The following CERS5 variants were observed in gnomAD, a reference collection of about 807,000 sequenced individuals.
CERS5 encodes ceramide synthase 5, also known as LAG1 homolog, ceramide synthase 5.
CERS5 carries 37 observed loss-of-function variants against 58.9 expected under a neutral mutation model. That is an observed-to-expected ratio of 0.63 (90% CI 0.48 to 0.83). The LOEUF is 0.83. CERS5 is among the 40% of genes least tolerant of loss of function. CERS5 has a pLI of 0.00. For missense variants in CERS5, 398 were observed against 489.3 expected (o/e 0.81, Z 1.76); for synonymous variants, 147 against 177.8 (o/e 0.83, Z 1.38).
intron 4 of CERS5, among the ~76,000 whole-genome samples, chr12:50,140,744 T>TGCACTTGAAA (rs1171632833): frequency 6.6e-6 from 1 of 152,182 alleles, no homozygotes; most frequent in African/African-American, 2.4e-5. Flanking sequence ...ACTTGAAAAT[T>TGCACTTGAAA]ATATGTATTC....
At position 50,135,833 on chromosome 12, in the gene CERS5, G is replaced by A. The variant is rs1951665748; in HGVS notation, c.771C>T (p.Ala257=). 2 of 1,613,222 alleles carry A rather than the reference G, an allele frequency of 1.2e-6. No individual in the cohort carries two copies. The highest frequency in any genetic ancestry group is 1.7e-5 in the Admixed American group (1 of 59,832). ...GATACTTGGCATAATTGGCCAGTTT[G>A]GCTGCCTGGAGAAAGGAAGAAAGAA... ...HDVSDFLLEA[A]KLANYAKYQR... Residue 257 remains alanine (A), a synonymous_variant, in exon 8 of 10, where the codon GCC becomes GCT. Coordinates refer to ENST00000317551, the MANE Select transcript of CERS5 (RefSeq NM_147190.5).
At chr12:50,165,070 G>C (rs901948781) in intron 1 of CERS5, 1 of 151,386 alleles carries the variant, frequency 6.6e-6, no homozygotes, top group Non-Finnish European at 1.5e-5. Flanking sequence ...TCCAAAGACA[G>C]ACAAGCAGTT....
Position 50,157,994 on chromosome 12 carries a change from G to A in CERS5, c.197+9107C>T, listed in dbSNP as rs181299055. Among the ~76,000 whole-genome samples the A allele has an allele frequency of 1.8e-3, 276 of 149,240 alleles. 1 individual carries two copies. The highest frequency in any genetic ancestry group is 6.7e-3 in the African/African-American group (270 of 40,394). ...GCAAGATGGCTTGAGCCAGGGAGGT[G>A]GAAGTTGCAGTGATACCAGATTGTG... On this transcript the variant is annotated intron_variant, in intron 1 of 9. Transcript: ENST00000317551.
Position 50,130,678 on chromosome 12 carries a change from C to T in CERS5, c.1046G>A (p.Arg349His), listed in dbSNP as rs1951269227. The T allele has an allele frequency of 1.6e-5, 25 of 1,594,852 alleles. No individual in the cohort carries two copies. The highest frequency in any genetic ancestry group is 2.1e-5 in the Non-Finnish European group (25 of 1,165,168). ...CTCTGAGCTGCTCTCCACATCACTG[C>T]GATCATCCTTCGATACCTGGGTGGG... Reference protein sequence around the residue: ...LIRGKVSKDDRSDVESSSEEE... With the variant: ...LIRGKVSKDDHSDVESSSEEE... Residue 349 changes from arginine to histidine, a missense_variant, in exon 10 of 10, where the codon CGC (arginine) becomes CAC (histidine). Physicochemically the swap from Arg to His is conservative, Grantham distance 29. Around this residue, in one of 3 missense-constraint regions of CERS5, gnomAD observed 23 missense variants for 54.6 expected, o/e 0.42. Transcript: ENST00000317551.
chr12:50,161,784 G>GGAAAAAAAAACAAAAAAAAAAAAAAAA (rs1939293345), intron 1 of CERS5, among the ~76,000 whole-genome samples: 1 of 90,862 alleles, frequency 1.1e-5, no homozygotes. Context: ...CTCAAAAAAA[G>GGAAAAAAAAACAAAAAAAAAAAAAAAA]AAAAAAAAAA....
intron 1 of CERS5, chr12:50,148,611 A>C (rs762663317): frequency 6.7e-5 from 21 of 312,750 alleles, no homozygotes; most frequent in African/African-American, 2.2e-5. Flanking sequence ...TAAATAAATA[A>C]ATAGGCCGGG....
At chr12:50,143,243 C>T (rs1952075746) in intron 2 of CERS5, 39 bp from the exon 3 acceptor site, 2 of 1,611,136 alleles carry the variant, frequency 1.2e-6, no homozygotes, top group African/African-American at 2.7e-5. Flanking sequence ...CCCGTCTCCT[C>T]ATACCCCTCC....
rs1951538787 is a variant in CERS5, at chr12:50,134,721, T to C, written c.873-19A>G. The C allele has an allele frequency of 6.2e-7, 1 of 1,605,822 alleles. No individual in the cohort carries two copies. Among genetic ancestry groups the C allele is most frequent in the Non-Finnish European group, 8.5e-7 (1 of 1,175,170 alleles). On this transcript the variant is annotated intron_variant, in intron 8 of 9. Coordinates refer to ENST00000317551, the MANE Select transcript of CERS5 (RefSeq NM_147190.5). ...CAGAATCCTAGAAGAGGGAGGCCAA[T>C]AGTCAGATTCTAGAGTCAAAGCTCA...
At chr12:50,155,924 G>GA (rs1190698775) in intron 1 of CERS5, among the ~76,000 whole-genome samples, 2 of 145,758 alleles carry the variant, frequency 1.4e-5, no homozygotes, top group Non-Finnish European at 3.0e-5. Flanking sequence ...CCAATATGGT[G>GA]AAACCCCGTC....
chr12:50,130,865 G>A (rs1951280078), intron 9 of CERS5, among the ~76,000 whole-genome samples, 171 bp from the exon 10 acceptor site: 1 of 152,132 alleles, frequency 6.6e-6, no homozygotes. Context: ...TGCTTTACCT[G>A]CTTTCTAGTT....
intron 1 of CERS5, among the ~76,000 whole-genome samples, chr12:50,148,967 T>TGC (rs1209468103): frequency 2.1e-5 from 3 of 141,794 alleles, no homozygotes; most frequent in African/African-American, 8.0e-5. Context: ...TGTGTGTGTG[T>TGC]GTGCGTGTAG....
At chr12:50,140,861 G>C (rs11611303) in intron 4 of CERS5, among the ~76,000 whole-genome samples, 1 of 141,090 alleles carries the variant, frequency 7.1e-6, no homozygotes, top group African/African-American at 2.7e-5. Flanking sequence ...TTTTTGCCTA[G>C]GGTTTAGGTC....
At chr12:50,135,503 G>C in intron 8 of CERS5, 1 of 693,036 alleles carries the variant, frequency 1.4e-6, no homozygotes, top group Non-Finnish European at 2.6e-6. Flanking sequence ...CGGGTACTCT[G>C]AGTCTGGATC....
rs1951772783 is a variant in CERS5 at position 50,137,913 on chromosome 12, A to G, written c.544-93T>C. ...TCTGCCTTGGAGGACCAATACCCCA[A>G]ATTATTAGACATCTCTCCTCCCCAT... is the stretch of plus-strand genomic sequence containing the variant. On this transcript the variant is annotated intron_variant, in intron 5 of 9. Transcript: ENST00000317551. 5.2e-6 allele frequency: 4 copies of G among 765,892 alleles called. No homozygotes were observed. The South Asian group carries it at 6.0e-5, about 11-fold the overall frequency. 47.4% of individuals were successfully genotyped at this position (765,892 alleles called of 1,614,324 possible). A position where few individuals can be genotyped will look rare whatever the true frequency, so the allele number is the denominator to read the frequency against.
At chr12:50,164,924 A>G in intron 1 of CERS5, 1 of 152,162 alleles carries the variant, frequency 6.6e-6, no homozygotes, top group Non-Finnish European at 1.5e-5. Context: ...ATGTTTTTCT[A>G]TGAAAATCAC....
chr12:50,157,851 C>G (rs971140922), intron 1 of CERS5, among the ~76,000 whole-genome samples: 9 of 152,086 alleles, frequency 5.9e-5, no homozygotes, highest in African/African-American at 1.9e-4. Flanking sequence ...GGAAGCATCA[C>G]TTGAGCTCAG....
intron 9 of CERS5, chr12:50,132,951 G>GAT: frequency 1.6e-6 from 2 of 1,288,996 alleles, no homozygotes; most frequent in Non-Finnish European, 2.0e-6. Flanking sequence ...TAGAAGCACA[G>GAT]ATACACTTAC....
chr12:50,167,219 C>T lies in CERS5; in HGVS notation c.79G>A (p.Val27Met), dbSNP rs1168979937. ...GGCCCCTCCAGATCAGCCCAGCTCA[C>T]GTTCTCGGGTAGCCAGAAGCGCTCG... ...WSERFWLPEN[V>M]SWADLEGPAD... Residue 27 changes from valine to methionine, a missense_variant, in exon 1 of 10, where the codon GTG becomes ATG. By Grantham distance (21) the Val-to-Met change is conservative. This residue lies in a region of CERS5 where 328 missense variants were observed against 384.5 expected (regional missense o/e 0.85). Coordinates refer to ENST00000317551, the MANE Select transcript of CERS5 (RefSeq NM_147190.5). The T allele has an allele frequency of 6.2e-7, 1 of 1,606,668 alleles. No individual in the cohort carries two copies.
intron 9 of CERS5, chr12:50,133,008 G>A (rs758237238): frequency 1.4e-4 from 184 of 1,289,016 alleles, no homozygotes; most frequent in Non-Finnish European, 1.8e-4. Flanking sequence ...TAGAAAAAAG[G>A]AAGGAGGTGA....
Sources: gnomAD v4.1 joint callset for allele counts (sites outside exome capture counted in the v4.1 genomes callset) on GRCh38, gnomAD v4.1.1 for gene constraint, gnomAD v4.1.1 regional missense constraint, MANE v1.5 for transcripts, NCBI Gene and HGNC (gene_info 2026-07-23, HGNC 2026-07-21) for gene names.